Variants in SIDT2 observed in about 807,000 individuals in gnomAD.
SIDT2 encodes the protein SID1 transmembrane family, member 2.
SIDT2 carries 68 observed loss-of-function variants against 114.4 expected under a neutral mutation model. That is an observed-to-expected ratio of 0.59 (90% CI 0.49 to 0.73). The LOEUF is 0.73. Among genes scored for constraint, SIDT2 ranks in the 30% least tolerant of loss-of-function variants. The pLI, the probability that SIDT2 is intolerant of heterozygous loss-of-function variation, is 0.00. For synonymous variants in SIDT2, 470 were observed against 438.4 expected (o/e 1.07, Z -0.90); for missense variants, 918 against 1,097.1 (o/e 0.84, Z 2.31).
intron 7 of SIDT2, 70 bp from the exon 8 acceptor site, chr11:117,184,004 A>G (rs2030399609): frequency 6.3e-7 from 1 of 1,578,672 alleles, no homozygotes; most frequent in Non-Finnish European, 8.7e-7. Context: ...CAGTCTCTCA[A>G]AGGCCTGATC....
intron 10 of SIDT2, 111 bp downstream of exon 10, chr11:117,186,747 T>G: frequency 2.0e-6 from 2 of 975,686 alleles, no homozygotes. Context: ...GGTTTCTGGA[T>G]GTTCAGATGG....
Position 117,195,869 on chromosome 11 carries a change from A to G in SIDT2, c.2390A>G (p.Asp797Gly). ...CILLDFFDDH[D>G]IWHFLSSIAM... ...CTCCTCGACTTCTTTGACGACCACG[A>G]CATCTGGCACTTCCTCTCCTCCATC... Residue 797 changes from aspartate to glycine, a missense_variant, in exon 25 of 26, where the codon GAC becomes GGC. By Grantham distance (94) the Asp-to-Gly change is moderately conservative. Around this residue, in one of 4 missense-constraint regions of SIDT2, gnomAD observed 275 missense variants for 397.6 expected, o/e 0.69. Coordinates refer to ENST00000324225, the MANE Select transcript of SIDT2 (RefSeq NM_001040455.2). The G allele has an allele frequency of 6.2e-7, 1 of 1,614,178 alleles. No individual in the cohort carries two copies. The highest frequency in any genetic ancestry group is 8.5e-7 in the Non-Finnish European group (1 of 1,180,030).
Position 117,192,344 on chromosome 11 carries a change from A to G in SIDT2, c.1963A>G (p.Met655Val), listed in dbSNP as rs746860374. 4 of 1,590,292 alleles carry G rather than the reference A, an allele frequency of 2.5e-6. No homozygotes were observed. The highest frequency in any genetic ancestry group is 2.2e-5 in the South Asian group (2 of 90,586). ...TLLLSTQLYY[M>V]GRWKLDSGIF... is the part of the protein sequence containing the mutation. ...GCTCCTCAGCACGCAGCTCTATTAC[A>G]TGGGCCGGTGGAAACTGGGTAAGGG... The change falls in exon 20 of 26, where the codon ATG becomes GTG. Residue 655 changes from methionine to valine, a missense_variant. Met to Val is a conservative substitution (Grantham distance 21, BLOSUM62 1). Around this residue, in one of 4 missense-constraint regions of SIDT2, gnomAD observed 275 missense variants for 397.6 expected, o/e 0.69. Transcript: ENST00000324225. This position sits in a 1 kb window ranked among gnomAD's most constrained non-coding sequence, Gnocchi z 5.9.
In SIDT2 at chr11:117,190,318, G is replaced by T; in HGVS notation, c.1617+29G>T. 2 of 1,525,858 alleles carry T rather than the reference G, an allele frequency of 1.3e-6. No homozygotes were observed. The highest frequency in any genetic ancestry group is 1.8e-6 in the Non-Finnish European group (2 of 1,138,358). 94.5% of individuals were successfully genotyped at this position (1,525,858 alleles called of 1,614,324 possible). A position where few individuals can be genotyped will look rare whatever the true frequency, so the allele number is the denominator to read the frequency against. ...AGGGAGCACCTGCCTGCCTGCCGCA[G>T]CCTCAGCTCCAGCACAGACCTCAAG... On this transcript the variant is annotated intron_variant, in intron 17 of 25. Transcript: ENST00000324225. This position sits in a 1 kb window ranked among gnomAD's most constrained non-coding sequence, Gnocchi z 4.1.
intron 4 of SIDT2, 128 bp from the exon 5 acceptor site, chr11:117,182,391 C>T (rs548428944): frequency 4.1e-5 from 34 of 831,528 alleles, no homozygotes; most frequent in Admixed American, 1.5e-4. Flanking sequence ...CCTGTCTCCT[C>T]GGAGAGCCTC....
Position 117,181,879 on chromosome 11 carries a change from G to A in SIDT2, c.378G>A (p.Glu126=). Residue 126 remains glutamate, a synonymous_variant, in exon 3 of 26, where the codon GAG becomes GAA. Coordinates refer to ENST00000324225, the MANE Select transcript of SIDT2 (RefSeq NM_001040455.2). ...LCQPPTKNES[E]IQFFYVDVST... Reference sequence around the variant, plus strand: ...AGCCCCCCACCAAGAATGAGTCGGAGATTCAGTTCTTCTACGTGGATGTGT... The same window carrying A: ...AGCCCCCCACCAAGAATGAGTCGGAAATTCAGTTCTTCTACGTGGATGTGT... The A allele has an allele frequency of 6.2e-7, 1 of 1,614,226 alleles. No homozygotes were observed. The highest frequency in any genetic ancestry group is 8.5e-7 in the Non-Finnish European group (1 of 1,180,042).
At chr11:117,180,304 C>G (rs2030228565) in intron 1 of SIDT2, among the ~76,000 whole-genome samples, 1 of 152,100 alleles carries the variant, frequency 6.6e-6, no homozygotes, top group Non-Finnish European at 1.5e-5. Flanking sequence ...GTGCCTGGTT[C>G]TCTGAAGTTT....
rs1483263647 is a variant in SIDT2 at position 117,196,030 on chromosome 11, G to GGATACT, written c.2465_2470dup (p.Asp822_Thr823dup). ...TGTTGCTGACACTGGATGACGACCTGGATACTGTGCAGCGGGACAAGATCT... is the reference window on the plus strand; with the variant it reads ...TGTTGCTGACACTGGATGACGACCTGGATACTGATACTGTGCAGCGGGACAAGATCT... On this transcript the variant is annotated inframe_insertion, in exon 26 of 26. Transcript: ENST00000324225. The surrounding 1 kb of genome is among the most constrained non-coding windows in gnomAD (Gnocchi z 4.9). 1 of 1,614,120 alleles carries GGATACT rather than the reference G, an allele frequency of 6.2e-7. No homozygotes were observed. The highest frequency in any genetic ancestry group is 1.7e-5 in the Admixed American group (1 of 60,006).
At chr11:117,187,316 T>C in intron 10 of SIDT2, 62 bp from the exon 11 acceptor site, 3 of 1,498,292 alleles carry the variant, frequency 2.0e-6, no homozygotes, top group East Asian at 2.3e-5. Context: ...TCTTTGTTCT[T>C]CTCCCTGGCT....
In SIDT2 at chr11:117,196,909, G is replaced by C. The variant is rs1033366149; in HGVS notation, c.*843G>C. The C allele has an allele frequency of 1.3e-5, 2 of 152,760 alleles. No homozygotes were observed. The highest frequency in any genetic ancestry group is 2.9e-5 in the Non-Finnish European group (2 of 68,132). The allele number at this position is 152,760 out of a possible 1,614,324, so 9.5% of individuals were successfully genotyped here. A position where few individuals can be genotyped will look rare whatever the true frequency, so the allele number is the denominator to read the frequency against. On this transcript the variant is annotated 3_prime_UTR_variant, in exon 26 of 26. Coordinates refer to ENST00000324225, the MANE Select transcript of SIDT2 (RefSeq NM_001040455.2). This position sits in a 1 kb window ranked among gnomAD's most constrained non-coding sequence, Gnocchi z 4.9. ...CCAAACCCCAGCTGGTGGCCTTTCA[G>C]TGCCATTGACACTGCCCAAGAATGT... is the stretch of plus-strand genomic sequence containing the variant.
At chr11:117,180,941 C>T (rs1297959424) in intron 1 of SIDT2, among the ~76,000 whole-genome samples, 1 of 152,228 alleles carries the variant, frequency 6.6e-6, no homozygotes, top group African/African-American at 2.4e-5. Context: ...CCTACCCCTC[C>T]TCAACTCCTC....
rs2030750800 is a variant in SIDT2 at position 117,192,778 on chromosome 11, C to A, written c.2059-42C>A. The A allele has an allele frequency of 1.2e-6, 2 of 1,613,584 alleles. No homozygotes were observed. Among genetic ancestry groups the A allele is most frequent in the African/African-American group, 2.7e-5 (2 of 74,890 alleles). On this transcript the variant is annotated intron_variant, in intron 21 of 25. Transcript: ENST00000324225. This position sits in a 1 kb window ranked among gnomAD's most constrained non-coding sequence, Gnocchi z 5.9. ...GGCTGGGCCTTCTTCCACCACCCTC[C>A]CTGCCCCTGCCCTCAGTCCCTGTGT...
In SIDT2 at chr11:117,193,957, C is replaced by G; in HGVS notation, c.2316C>G (p.Thr772=). Residue 772 remains threonine, a synonymous_variant, in exon 24 of 26, where the codon ACC becomes ACG. Coordinates refer to ENST00000324225, the MANE Select transcript of SIDT2 (RefSeq NM_001040455.2). The stretch of plus-strand genomic sequence containing the variant: ...TCTTCTTCTTCCAGGGACTCAGCAC[C>G]TGGCAGGTGAGCACTCACCCTCAGG... ...ALFFFFQGLS[T]WQKTPAESRE... 1.2e-6 allele frequency: 2 copies of G among 1,613,682 alleles called. No homozygotes were observed. Among genetic ancestry groups the G allele is most frequent in the Non-Finnish European group, 1.7e-6 (2 of 1,179,714 alleles).
rs2030618753 is a variant in SIDT2, at chr11:117,189,364, C to T, written c.1382C>T (p.Ala461Val). Residue 461 changes from alanine to valine, a missense_variant, in exon 15 of 26, where the codon GCC becomes GTC. Physicochemically the swap from Ala to Val is moderately conservative, Grantham distance 64. This residue lies in a region of SIDT2 where 553 missense variants were observed against 600.1 expected (regional missense o/e 0.92). Coordinates refer to ENST00000324225, the MANE Select transcript of SIDT2 (RefSeq NM_001040455.2). ...WNIATIAVFY[A>V]LPVVQLVITY... ...ATTGCCACCATTGCTGTCTTCTATG[C>T]CCTTCCTGTGGTGCAGCTGGTGATC... 1 of 1,614,098 alleles carries T rather than the reference C, an allele frequency of 6.2e-7. No individual in the cohort carries two copies. Among genetic ancestry groups the T allele is most frequent in the South Asian group, 1.1e-5 (1 of 91,088 alleles).
rs1440130417 is a variant in SIDT2 at position 117,182,815 on chromosome 11, T to C, written c.702+9T>C. On this transcript the variant is annotated intron_variant, in intron 6 of 25. Transcript: ENST00000324225. Reference sequence around the variant, plus strand: ...CGGCCATCACCGTACAGGTAGGAAATGCATGTGGCCACGTGGGAGGTGTGG... The same window carrying C: ...CGGCCATCACCGTACAGGTAGGAAACGCATGTGGCCACGTGGGAGGTGTGG... 13 of 1,612,530 alleles carry C rather than the reference T, an allele frequency of 8.1e-6. No homozygotes were observed. The highest frequency in any genetic ancestry group is 1.7e-4 in the Middle Eastern group (1 of 6,008).
Position 117,197,106 on chromosome 11 carries a change from A to G in SIDT2, c.*1040A>G, listed in dbSNP as rs2030919446. 6.6e-6 allele frequency: 1 copy of G among 152,354 alleles called. No individual in the cohort carries two copies. The highest frequency in any genetic ancestry group is 2.4e-5 in the African/African-American group (1 of 41,466). 9.4% of individuals were successfully genotyped at this position (152,354 alleles called of 1,614,324 possible). A position where few individuals can be genotyped will look rare whatever the true frequency, so the allele number is the denominator to read the frequency against. ...AGGGCTGGCTTCTAAGTTTCCGTCC[A>G]GTCTTCAGGCAAGTTCTGTGTTAGT... On this transcript the variant is annotated 3_prime_UTR_variant, in exon 26 of 26. Transcript: ENST00000324225.
At position 117,192,372 on chromosome 11, in the gene SIDT2, C is replaced by G. The variant is rs545239717; in HGVS notation, c.1981+10C>G. 6.4e-7 allele frequency: 1 copy of G among 1,551,266 alleles called. No homozygotes were observed. The highest frequency in any genetic ancestry group is 1.1e-5 in the South Asian group (1 of 89,762). On this transcript the variant is annotated intron_variant, in intron 20 of 25. Coordinates refer to ENST00000324225, the MANE Select transcript of SIDT2 (RefSeq NM_001040455.2). The surrounding 1 kb of genome is among the most constrained non-coding windows in gnomAD (Gnocchi z 5.9). The stretch of plus-strand genomic sequence containing the variant: ...GGCCGGTGGAAACTGGGTAAGGGCA[C>G]GCCCGGGGCAGGGCCTGGGGGAGGG...
intron 23 of SIDT2, among the ~76,000 whole-genome samples, chr11:117,193,546 C>G (rs1243994649): frequency 6.6e-6 from 1 of 152,148 alleles, no homozygotes; most frequent in Non-Finnish European, 1.5e-5. Flanking sequence ...GTGGGCCTCT[C>G]AGGATCAGGT....
Position 117,179,383 on chromosome 11 carries a change from G to A in SIDT2, c.120G>A (p.Val40=). The change falls in exon 1 of 26, where the codon GTG becomes GTA. Residue 40 remains valine (V), a synonymous_variant. Transcript: ENST00000324225. ...ACGCCGAGTTTGAGCGCACCTACGT[G>A]GACGAGGTCAACAGCGAGCTGGTCA... ...QKDAEFERTY[V]DEVNSELVNI... The A allele has an allele frequency of 6.2e-7, 1 of 1,614,132 alleles. No homozygotes were observed. Among genetic ancestry groups the A allele is most frequent in the Non-Finnish European group, 8.5e-7 (1 of 1,180,032 alleles).
Sources: allele counts gnomAD v4.1 joint callset (sites outside exome capture counted in the v4.1 genomes callset), GRCh38; gene constraint gnomAD v4.1.1; regional missense constraint gnomAD v4.1.1; non-coding constraint Gnocchi (gnomAD v3.1); transcripts MANE v1.5; gene names NCBI Gene and HGNC (gene_info 2026-07-23, HGNC 2026-07-21).